Variants in FBXL17 observed in about 807,000 individuals in gnomAD.
FBXL17 encodes F-box and leucine rich repeat protein 17, also known as F-box/LRR-repeat protein 17.
Under a neutral mutation model 66.2 loss-of-function variants are expected in FBXL17, and 22 were observed. The ratio of observed to expected loss-of-function variants is 0.33; its 90% CI spans 0.24 to 0.47. The LOEUF (loss-of-function observed/expected upper bound fraction) is 0.47, where lower values mean the gene tolerates loss of function less well. FBXL17 is among the 20% of genes least tolerant of loss of function. The probability of loss-of-function intolerance (pLI) is 1.00; values close to 1 mark genes in which losing one functional copy is unlikely to be tolerated. For synonymous variants in FBXL17, 474 were observed against 400.5 expected (o/e 1.18, Z -2.19); for missense variants, 878 against 948.2 (o/e 0.93, Z 0.97).
intron 6 of FBXL17, among the ~76,000 whole-genome samples, chr5:108,177,932 T>TATATATATATATATATATATATATATAC (rs1242739302): frequency 1.6e-5 from 2 of 126,826 alleles, no homozygotes; most frequent in African/African-American, 5.5e-5. Flanking sequence ...TATATATATA[T>TATATATATATATATATATATATATATAC]ACACACACAC....
intron 6 of FBXL17, among the ~76,000 whole-genome samples, chr5:108,102,273 C>T (rs1009710611): frequency 4.6e-5 from 7 of 152,120 alleles, no homozygotes; most frequent in Non-Finnish European, 1.0e-4. Context: ...TCTTCAGTTC[C>T]GTATCTGTTT....
intron 6 of FBXL17, among the ~76,000 whole-genome samples, chr5:108,073,820 C>A (rs1479050883): frequency 6.6e-6 from 1 of 152,080 alleles, no homozygotes; most frequent in African/African-American, 2.4e-5. Flanking sequence ...AACTGGCTCC[C>A]TTTCCACCTT....
At chr5:108,340,331 G>A (rs1159052270) in intron 4 of FBXL17, among the ~76,000 whole-genome samples, 3 of 150,872 alleles carry the variant, frequency 2.0e-5, no homozygotes, top group Admixed American at 6.6e-5. Flanking sequence ...CAGGAGAATC[G>A]CTTGAGCCCG....
chr5:107,942,488 A>G (rs1341060958), intron 7 of FBXL17, among the ~76,000 whole-genome samples: 1 of 152,170 alleles, frequency 6.6e-6, no homozygotes, highest in Non-Finnish European at 1.5e-5. Flanking sequence ...TCACTATCTA[A>G]TCACAAATGG....
chr5:108,224,229 C>A lies in FBXL17; in HGVS notation c.1507-1G>T. 1.3e-6 allele frequency: 2 copies of A among 1,566,248 alleles called. No individual in the cohort carries two copies. Among genetic ancestry groups the A allele is most frequent in the South Asian group, 2.3e-5 (2 of 87,582 alleles). On this transcript the variant is annotated splice_acceptor_variant, in intron 4 of 8. Transcript: ENST00000542267. LOFTEE classifies it high-confidence loss of function. The stretch of plus-strand genomic sequence containing the variant: ...ATGCTTTCACTGACTGATCTGTCAC[C>A]TAGGGAAAAGACATGGATGAAATTA...
At chr5:108,154,789 G>C (rs1751932722) in intron 6 of FBXL17, among the ~76,000 whole-genome samples, 1 of 147,696 alleles carries the variant, frequency 6.8e-6, no homozygotes, top group African/African-American at 2.5e-5. Context: ...AACCATGAAG[G>C]AGACCCAGCC....
chr5:108,011,856 T>G (rs1284342323), intron 7 of FBXL17, among the ~76,000 whole-genome samples: 1 of 151,958 alleles, frequency 6.6e-6, no homozygotes, highest in African/African-American at 2.4e-5. Context: ...AACAGGCAAC[T>G]GAGGGTGAAT....
chr5:108,025,984 C>G (rs1471452015), intron 6 of FBXL17, among the ~76,000 whole-genome samples: 1 of 152,126 alleles, frequency 6.6e-6, no homozygotes, highest in Non-Finnish European at 1.5e-5. Flanking sequence ...ATAATCCAAT[C>G]CCAGTGCAGT....
chr5:108,014,349 G>T (rs1754298112), intron 7 of FBXL17, among the ~76,000 whole-genome samples: 1 of 152,042 alleles, frequency 6.6e-6, no homozygotes. Flanking sequence ...ACTTCAAAGG[G>T]TAAGAAAGTT....
chr5:108,290,969 C>T (rs888844384), intron 4 of FBXL17, among the ~76,000 whole-genome samples: 2 of 152,134 alleles, frequency 1.3e-5, no homozygotes, highest in African/African-American at 2.4e-5. Flanking sequence ...AATATTAAAA[C>T]TGCAGAAGTG....
intron 1 of FBXL17, among the ~76,000 whole-genome samples, chr5:108,374,851 T>C (rs1472967216): frequency 1.3e-5 from 2 of 152,008 alleles, no homozygotes; most frequent in South Asian, 4.2e-4. Flanking sequence ...CAAACACATA[T>C]AGCAAAATCT....
In FBXL17 at chr5:107,917,799, T is replaced by C. The variant is rs533384740; in HGVS notation, c.1823-36620A>G. Among the ~76,000 whole-genome samples, 10 of 152,330 alleles carry C rather than the reference T, an allele frequency of 6.6e-5. No homozygotes were observed. In the South Asian group the frequency reaches 8.3e-4, roughly 13 times the overall value. On this transcript the variant is annotated intron_variant, in intron 7 of 8. Transcript: ENST00000542267. Reference sequence around the variant, plus strand: ...TTAGAATTTATGATTTTGTTTCTTTTTGGCTTATTCCAAAATGAGTTAAAG... The same window carrying C: ...TTAGAATTTATGATTTTGTTTCTTTCTGGCTTATTCCAAAATGAGTTAAAG...
intron 4 of FBXL17, among the ~76,000 whole-genome samples, chr5:108,240,675 A>T (rs1755815850): frequency 6.6e-6 from 1 of 152,132 alleles, no homozygotes; most frequent in Admixed American, 6.5e-5. Context: ...TGGCTTGACC[A>T]TCTACTGATT....
chr5:107,880,965 G>A (rs758671031), intron 8 of FBXL17, 72 bp downstream of exon 8: 3 of 1,612,208 alleles, frequency 1.9e-6, no homozygotes, highest in African/African-American at 2.7e-5. Context: ...TAGAGAAGGA[G>A]AGAGGATATG....
chr5:108,014,746 T>G (rs181261867), intron 7 of FBXL17, among the ~76,000 whole-genome samples: 1 of 152,180 alleles, frequency 6.6e-6, no homozygotes, highest in Non-Finnish European at 1.5e-5. Flanking sequence ...TCCGCTTTCA[T>G]GCTGCTGATA....
chr5:108,207,776 T>C (rs929445074), intron 5 of FBXL17, among the ~76,000 whole-genome samples: 5 of 152,244 alleles, frequency 3.3e-5, no homozygotes, highest in African/African-American at 9.6e-5. Context: ...AGTGCTGCAA[T>C]AAACATACGT....
chr5:107,953,229 C>T (rs1258779452), intron 7 of FBXL17, among the ~76,000 whole-genome samples: 8 of 151,780 alleles, frequency 5.3e-5, no homozygotes, highest in African/African-American at 1.7e-4. Flanking sequence ...GGTGAAACCC[C>T]GTCTCTACTA....
chr5:108,009,308 T>TAGATAGATAGATAGATAGATATATACAC, intron 7 of FBXL17, among the ~76,000 whole-genome samples: 2 of 42,210 alleles, frequency 4.7e-5, no homozygotes, highest in African/African-American at 1.8e-4. Context: ...TATACATATA[T>TAGATAGATAGATAGATAGATATATACAC]ACATACACAT....
chr5:108,336,917 C>T (rs1760410362), intron 4 of FBXL17, among the ~76,000 whole-genome samples: 1 of 152,078 alleles, frequency 6.6e-6, no homozygotes, highest in Non-Finnish European at 1.5e-5. Context: ...AAGTTACTGA[C>T]TTGTCTCATT....
Sources: allele counts gnomAD v4.1 joint callset (sites outside exome capture counted in the v4.1 genomes callset), GRCh38; gene constraint gnomAD v4.1.1; transcripts MANE v1.5; gene names NCBI Gene and HGNC (gene_info 2026-07-23, HGNC 2026-07-21).